Variants in SLC35F4 observed in about 807,000 individuals in gnomAD.
The protein encoded by SLC35F4 is chromosome 14 open reading frame 36.
In SLC35F4, 24 loss-of-function variants were observed where a neutral mutation model predicts 44.2. The observed-to-expected ratio is 0.54, with a 90% CI of 0.39 to 0.76. SLC35F4 has a LOEUF of 0.76. Ranked by LOEUF, SLC35F4 falls within the 30% of genes least tolerant of loss-of-function variation. The pLI is 0.00. For missense variants in SLC35F4, 562 were observed against 586.1 expected, an observed-to-expected ratio of 0.96 and a Z score of 0.42; for synonymous variants, 238 against 223.6, an observed-to-expected ratio of 1.06 and a Z score of -0.57.
chr14:57,855,958 A>T (rs575718322), intron 1 of SLC35F4, among the ~76,000 whole-genome samples: 6 of 151,076 alleles, frequency 4.0e-5, no homozygotes, highest in African/African-American at 1.2e-4. Context: ...CAAACACCAC[A>T]TGTTCTCACT....
intron 3 of SLC35F4, among the ~76,000 whole-genome samples, chr14:57,588,303 A>G (rs779631008): frequency 6.6e-6 from 1 of 152,196 alleles, no homozygotes; most frequent in Non-Finnish European, 1.5e-5. Flanking sequence ...CTGCTGAGGA[A>G]TAGTAAGTCC....
chr14:57,798,612 A>C lies in SLC35F4; in HGVS notation c.103+67111T>G, dbSNP rs1218790148. Among the ~76,000 whole-genome samples the C allele has an allele frequency of 2.6e-5, 4 of 152,216 alleles. No homozygotes were observed. The East Asian group carries it at 7.7e-4, about 29-fold the overall frequency. ...GCATCTCATAAGCATGATGCTGTCG[A>C]GCACACACCTGCTGAAGAGACAATG... On this transcript the variant is annotated intron_variant, in intron 1 of 7. Transcript: ENST00000556826.
intron 1 of SLC35F4, among the ~76,000 whole-genome samples, chr14:57,918,477 C>A (rs1889376366): frequency 6.6e-6 from 1 of 152,166 alleles, no homozygotes; most frequent in African/African-American, 2.4e-5. Flanking sequence ...GACTTTTAGT[C>A]TGTTTAGATT....
intron 1 of SLC35F4, among the ~76,000 whole-genome samples, chr14:57,842,161 T>C (rs1410451317): frequency 1.3e-5 from 2 of 152,222 alleles, no homozygotes; most frequent in Admixed American, 6.5e-5. Context: ...ACAAATAACA[T>C]GGCTGATGGT....
At chr14:57,859,229 G>C (rs1443983141) in intron 1 of SLC35F4, among the ~76,000 whole-genome samples, 1 of 152,160 alleles carries the variant, frequency 6.6e-6, no homozygotes, top group East Asian at 1.9e-4. Flanking sequence ...AGATTAAAGT[G>C]CTCGCATATA....
chr14:57,610,820 T>A (rs2071451410), intron 1 of SLC35F4, among the ~76,000 whole-genome samples: 1 of 152,210 alleles, frequency 6.6e-6, no homozygotes, highest in South Asian at 2.1e-4. Flanking sequence ...TGCCAGGAAC[T>A]GTGATAGGTA....
intron 1 of SLC35F4, among the ~76,000 whole-genome samples, chr14:57,861,181 C>A (rs1018827459): frequency 2.0e-5 from 3 of 152,132 alleles, no homozygotes; most frequent in Non-Finnish European, 2.9e-5. Flanking sequence ...CAGCCTCTAC[C>A]ATGTCCTCCA....
At chr14:57,725,793 T>C (rs1480844289) in intron 1 of SLC35F4, among the ~76,000 whole-genome samples, 1 of 152,274 alleles carries the variant, frequency 6.6e-6, no homozygotes, top group East Asian at 1.9e-4. Flanking sequence ...GCGTCCAATA[T>C]ATGGTACTGT....
intron 1 of SLC35F4, among the ~76,000 whole-genome samples, chr14:57,805,808 T>C (rs972242323): frequency 6.6e-6 from 1 of 152,098 alleles, no homozygotes; most frequent in Admixed American, 6.5e-5. Flanking sequence ...TTTGTAAAAA[T>C]TTGCAATCAT....
chr14:57,655,152 C>G (rs1194130967), intron 1 of SLC35F4, among the ~76,000 whole-genome samples: 1 of 152,078 alleles, frequency 6.6e-6, no homozygotes, highest in Non-Finnish European at 1.5e-5. Context: ...TGAGAGCCAT[C>G]TCATATTGTG....
At chr14:57,572,849 T>C (rs2068584557) in intron 4 of SLC35F4, among the ~76,000 whole-genome samples, 1 of 152,218 alleles carries the variant, frequency 6.6e-6, no homozygotes, top group Non-Finnish European at 1.5e-5. Flanking sequence ...TTGAACTAGT[T>C]CTACTGGAAA....
chr14:57,603,762 A>G (rs753840025), intron 1 of SLC35F4, among the ~76,000 whole-genome samples: 1 of 152,104 alleles, frequency 6.6e-6, no homozygotes, highest in Non-Finnish European at 1.5e-5. Flanking sequence ...GTAAATCTTC[A>G]TTTTGCTTAA....
intron 1 of SLC35F4, among the ~76,000 whole-genome samples, chr14:57,731,248 T>C (rs548394013): frequency 2.4e-4 from 37 of 152,258 alleles, no homozygotes; most frequent in African/African-American, 8.7e-4. Context: ...AGAATCTTCT[T>C]TAATAAGTGG....
At chr14:57,914,226 A>G (rs1889272676) in intron 1 of SLC35F4, among the ~76,000 whole-genome samples, 1 of 152,206 alleles carries the variant, frequency 6.6e-6, no homozygotes, top group African/African-American at 2.4e-5. Flanking sequence ...AGAAGCAGTC[A>G]CACAGGACAG....
chr14:57,701,581 T>C (rs922478883), intron 1 of SLC35F4, among the ~76,000 whole-genome samples: 1 of 152,304 alleles, frequency 6.6e-6, no homozygotes, highest in African/African-American at 2.4e-5. Flanking sequence ...GAGTAATACA[T>C]TGTGCCATGA....
chr14:57,921,868 A>C (rs1889450852), intron 1 of SLC35F4, among the ~76,000 whole-genome samples: 1 of 152,200 alleles, frequency 6.6e-6, no homozygotes, highest in African/African-American at 2.4e-5. Flanking sequence ...TTAAAATTTC[A>C]ATGTTATTTC....
At chr14:57,696,394 A>C (rs1460276144) in intron 1 of SLC35F4, among the ~76,000 whole-genome samples, 1 of 152,226 alleles carries the variant, frequency 6.6e-6, no homozygotes, top group East Asian at 1.9e-4. Flanking sequence ...TTAGAATGGC[A>C]ATCATTAAAA....
At chr14:57,919,761 C>T (rs1889405668) in intron 1 of SLC35F4, among the ~76,000 whole-genome samples, 1 of 152,154 alleles carries the variant, frequency 6.6e-6, no homozygotes, top group African/African-American at 2.4e-5. Context: ...CAGGCAGAGA[C>T]TTCACAGCAC....
intron 1 of SLC35F4, among the ~76,000 whole-genome samples, chr14:57,898,952 C>A (rs1164511169): frequency 6.6e-6 from 1 of 152,094 alleles, no homozygotes; most frequent in Non-Finnish European, 1.5e-5. Flanking sequence ...GAATTTTGCT[C>A]CTATCTTGCT....
Sources: allele counts gnomAD v4.1 joint callset (sites outside exome capture counted in the v4.1 genomes callset), GRCh38; gene constraint gnomAD v4.1.1; transcripts MANE v1.5; gene names NCBI Gene and HGNC (gene_info 2026-07-23, HGNC 2026-07-21).